CACNB2: variants seen among roughly 807,000 people sequenced by gnomAD.
CACNB2 encodes the protein calcium voltage-gated channel auxiliary subunit beta 2.
In CACNB2, 42 loss-of-function variants were observed where a neutral mutation model predicts 73.3. The observed-to-expected ratio is 0.57, with a 90% CI of 0.45 to 0.74. The LOEUF is 0.74. Ranked by LOEUF, CACNB2 falls within the 30% of genes least tolerant of loss-of-function variation. The pLI is 0.00. For synonymous variants in CACNB2, 348 were observed against 310.3 expected, an observed-to-expected ratio of 1.12 and a Z score of -1.28; for missense variants, 940 against 853.0, an observed-to-expected ratio of 1.10 and a Z score of -1.27.
chr10:18,295,290 T>C (rs2039230197), intron 2 of CACNB2, among the ~76,000 whole-genome samples: 1 of 152,230 alleles, frequency 6.6e-6, no homozygotes, highest in Non-Finnish European at 1.5e-5. Flanking sequence ...AAATCCTTCC[T>C]GTTTTTTGAG....
At chr10:18,519,876 C>T (rs899124191) in intron 9 of CACNB2, 10 of 383,802 alleles carry the variant, frequency 2.6e-5, no homozygotes, top group Non-Finnish European at 4.1e-5. Flanking sequence ...CAGCCCTAAT[C>T]TTACTTGACC....
At chr10:18,380,278 A>G (rs1036356385) in intron 2 of CACNB2, among the ~76,000 whole-genome samples, 5 of 151,640 alleles carry the variant, frequency 3.3e-5, no homozygotes, top group Non-Finnish European at 5.9e-5. Context: ...GTTTTTTCTT[A>G]GCAAAAAAAT....
At chr10:18,150,595 G>A (rs779288518) in intron 1 of CACNB2, among the ~76,000 whole-genome samples, 10 of 152,142 alleles carry the variant, frequency 6.6e-5, no homozygotes, top group South Asian at 2.1e-4. Flanking sequence ...CCTGGGAGGC[G>A]GAGGTTGCGG....
chr10:18,225,303 A>G (rs1272397111), intron 2 of CACNB2, among the ~76,000 whole-genome samples: 4 of 151,728 alleles, frequency 2.6e-5, no homozygotes, highest in Non-Finnish European at 5.9e-5. Flanking sequence ...AAACCACACC[A>G]CTCACTTCCA....
intron 3 of CACNB2, among the ~76,000 whole-genome samples, chr10:18,477,078 G>T (rs1043941505): frequency 6.6e-6 from 1 of 151,960 alleles, no homozygotes; most frequent in East Asian, 1.9e-4. Context: ...GGAGGGTATT[G>T]CAAAGGGCGT....
chr10:18,235,604 G>A (rs769310130), intron 2 of CACNB2, among the ~76,000 whole-genome samples: 23 of 152,228 alleles, frequency 1.5e-4, no homozygotes, highest in African/African-American at 4.8e-5. Context: ...GGTACAAAGT[G>A]GTTGAGAGTA....
intron 2 of CACNB2, among the ~76,000 whole-genome samples, chr10:18,281,536 C>T (rs1449379883): frequency 2.0e-5 from 3 of 152,152 alleles, no homozygotes; most frequent in African/African-American, 7.2e-5. Flanking sequence ...AGAAGAAACA[C>T]ACACAGATTG....
At chr10:18,299,119 T>G (rs550713831) in intron 2 of CACNB2, among the ~76,000 whole-genome samples, 30 of 137,812 alleles carry the variant, frequency 2.2e-4, no homozygotes, top group Middle Eastern at 3.8e-3. Context: ...AAAAATAAAA[T>G]AAAAAAAGAA....
intron 2 of CACNB2, among the ~76,000 whole-genome samples, chr10:18,352,246 C>T (rs1184448985): frequency 6.6e-6 from 1 of 152,202 alleles, no homozygotes; most frequent in Non-Finnish European, 1.5e-5. Context: ...TGGACTTCCA[C>T]GCATCACGTC....
At chr10:18,479,696 TCTCG>T (rs72084237) in intron 3 of CACNB2, among the ~76,000 whole-genome samples, 73,325 of 150,840 alleles carry the variant, frequency 0.49, 17,901 homozygotes, top group South Asian at 0.65. Flanking sequence ...TGTCTCTCTC[TCTCG>T]CTCGCTCGCT....
rs2030268931 is a variant in CACNB2, at chr10:18,140,514, C to T, written c.-223C>T. On this transcript the variant is annotated 5_prime_UTR_variant, in exon 1 of 14. Coordinates refer to ENST00000324631, the MANE Select transcript of CACNB2 (RefSeq NM_201596.3). ...CAGCCGCGCCCCCGCGTCCCGCCTC[C>T]CGAGCGGCTCGCTTCGCCCGATGCC... is the stretch of plus-strand genomic sequence containing the variant. Among the ~76,000 whole-genome samples the T allele has an allele frequency of 6.6e-6, 1 of 151,686 alleles. No individual in the cohort carries two copies. Among genetic ancestry groups the T allele is most frequent in the Non-Finnish European group, 1.5e-5 (1 of 67,900 alleles).
At chr10:18,151,439 A>C (rs899564436) in intron 2 of CACNB2, among the ~76,000 whole-genome samples, 11 of 152,174 alleles carry the variant, frequency 7.2e-5, no homozygotes, top group Non-Finnish European at 1.5e-5. Context: ...GAGGTTAAAC[A>C]GAACATGCAG....
chr10:18,450,739 C>T (rs2046981967), intron 3 of CACNB2, among the ~76,000 whole-genome samples: 2 of 151,446 alleles, frequency 1.3e-5, no homozygotes. Flanking sequence ...TCTCCCCTCT[C>T]AGTCTCCTGA....
chr10:18,322,818 T>C (rs1003542711), intron 2 of CACNB2, among the ~76,000 whole-genome samples: 1 of 152,066 alleles, frequency 6.6e-6, no homozygotes, highest in Non-Finnish European at 1.5e-5. Flanking sequence ...GCAGTAGTGA[T>C]AGTGTATTAA....
chr10:18,539,615 G>C lies in CACNB2; in HGVS notation c.1874G>C (p.Arg625Pro), dbSNP rs772911828. The change falls in exon 14 of 14, where the codon CGC becomes CCC. Residue 625 changes from arginine (R) to proline (P), a missense_variant. Physicochemically the swap from Arg to Pro is moderately radical, Grantham distance 103 (BLOSUM62 -2). Coordinates refer to ENST00000324631, the MANE Select transcript of CACNB2 (RefSeq NM_201596.3). ...GACCACAACGAGTGCAACAAGCAGC[G>C]CAGCCGTCATAAATCCAAGGATCGC... The part of the protein sequence containing the change: ...EQDHNECNKQ[R>P]SRHKSKDRYC... 6.2e-7 allele frequency: 1 copy of C among 1,613,720 alleles called. No homozygotes were observed. Among genetic ancestry groups the C allele is most frequent in the Non-Finnish European group, 8.5e-7 (1 of 1,179,862 alleles).
intron 2 of CACNB2, among the ~76,000 whole-genome samples, chr10:18,393,983 C>T (rs2043600075): frequency 6.6e-6 from 1 of 152,118 alleles, no homozygotes; most frequent in South Asian, 2.1e-4. Context: ...ACTCTGTTGC[C>T]AGGCTGAAGT....
chr10:18,401,944 T>C lies in CACNB2; in HGVS notation c.234T>C (p.Thr78=). ...FVRQGSADSY[T]SRPSDSDVSL... is the part of the protein sequence containing the mutation. ...TCCAGGGTTCGGCAGACTCCTACACTAGCCGTCCATCCGATTCCGATGTAT... is the reference window on the plus strand; with the variant it reads ...TCCAGGGTTCGGCAGACTCCTACACCAGCCGTCCATCCGATTCCGATGTAT... Residue 78 remains threonine (T), a synonymous_variant, in exon 3 of 14, where the codon ACT becomes ACC. Transcript: ENST00000324631. 1 of 1,613,954 alleles carries C rather than the reference T, an allele frequency of 6.2e-7. No homozygotes were observed. The highest frequency in any genetic ancestry group is 8.5e-7 in the Non-Finnish European group (1 of 1,179,832).
At chr10:18,146,529 G>A (rs372149728) in intron 1 of CACNB2, among the ~76,000 whole-genome samples, 3 of 151,794 alleles carry the variant, frequency 2.0e-5, no homozygotes, top group East Asian at 1.9e-4. Context: ...TCAGGCTGGA[G>A]TGCAGTGGCG....
intron 2 of CACNB2, among the ~76,000 whole-genome samples, chr10:18,301,252 C>T (rs745940596): frequency 2.2e-4 from 34 of 152,114 alleles, no homozygotes; most frequent in Non-Finnish European, 4.0e-4. Flanking sequence ...GCTGACTTTG[C>T]GCTCTCTGAT....
Sources: gnomAD v4.1 joint callset for allele counts (sites outside exome capture counted in the v4.1 genomes callset) on GRCh38, gnomAD v4.1.1 for gene constraint, MANE v1.5 for transcripts, NCBI Gene and HGNC (gene_info 2026-07-23, HGNC 2026-07-21) for gene names.